DAD1: variants seen among roughly 807,000 people sequenced by gnomAD.
The protein encoded by DAD1 is dolichyl-diphosphooligosaccharide--protein glycosyltransferase subunit DAD1.
A neutral mutation model predicts 9.0 loss-of-function variants in DAD1; 4 were observed. That is an observed-to-expected ratio of 0.44 (90% CI 0.22 to 1.01). DAD1 has a LOEUF of 1.01. DAD1 is among the 50% of genes least tolerant of loss of function. The pLI, the probability that DAD1 is intolerant of heterozygous loss-of-function variation, is 0.24. For missense variants in DAD1, 119 were observed against 137.3 expected, an observed-to-expected ratio of 0.87 and a Z score of 0.67; for synonymous variants, 60 against 62.5, an observed-to-expected ratio of 0.96 and a Z score of 0.19.
At position 22,564,982 on chromosome 14, in the gene DAD1, A is replaced by G; in HGVS notation, c.*200T>C. ...TGAAAGGCAGAGGCTGGATTAATAA[A>G]TGTTTGTTAGAAAGTTGTTCTGACA... On this transcript the variant is annotated 3_prime_UTR_variant, in exon 3 of 3. Transcript: ENST00000250498. 1.6e-6 allele frequency: 1 copy of G among 616,600 alleles called. No individual in the cohort carries two copies. Among genetic ancestry groups the G allele is most frequent in the African/African-American group, 1.9e-5 (1 of 53,478 alleles). 38.2% of individuals were successfully genotyped at this position (616,600 alleles called of 1,614,324 possible). A position where few individuals can be genotyped will look rare whatever the true frequency, so the allele number is the denominator to read the frequency against.
intron 2 of DAD1, among the ~76,000 whole-genome samples, chr14:22,565,974 A>G (rs5742866): frequency 6.6e-6 from 1 of 152,196 alleles, no homozygotes; most frequent in African/African-American, 2.4e-5. Context: ...GGGAAATACT[A>G]CCTTTCAGAA....
chr14:22,580,147 G>A (rs1170758299), intron 1 of DAD1, among the ~76,000 whole-genome samples: 1 of 152,058 alleles, frequency 6.6e-6, no homozygotes, highest in African/African-American at 2.4e-5. Flanking sequence ...CCAGGGCATG[G>A]TGGCTCACAA....
At chr14:22,584,772 TC>T (rs2037141227) in intron 1 of DAD1, among the ~76,000 whole-genome samples, 1 of 151,986 alleles carries the variant, frequency 6.6e-6, no homozygotes, top group Non-Finnish European at 1.5e-5. Flanking sequence ...AGCCTGTATG[TC>T]AAAAAAAAAG....
At chr14:22,582,063 CG>C (rs2037120600) in intron 1 of DAD1, among the ~76,000 whole-genome samples, 1 of 151,728 alleles carries the variant, frequency 6.6e-6, no homozygotes, top group African/African-American at 2.4e-5. Flanking sequence ...AAAAATTAGC[CG>C]GGTGCAGTGG....
chr14:22,574,105 A>AG (rs1268896449), intron 2 of DAD1, among the ~76,000 whole-genome samples: 1 of 152,176 alleles, frequency 6.6e-6, no homozygotes, highest in African/African-American at 2.4e-5. Context: ...TGCAATGCAA[A>AG]GGCAAAGATT....
intron 1 of DAD1, among the ~76,000 whole-genome samples, chr14:22,586,219 C>CT (rs1489287838): frequency 1.4e-5 from 2 of 146,724 alleles, no homozygotes; most frequent in Non-Finnish European, 3.0e-5. Context: ...AAAAAAGCAT[C>CT]TTCAGAAGCT....
intron 1 of DAD1, among the ~76,000 whole-genome samples, chr14:22,580,261 A>C (rs1175505726): frequency 6.6e-6 from 1 of 151,782 alleles, no homozygotes; most frequent in African/African-American, 2.4e-5. Context: ...CTACAAAAAA[A>C]ATGTTTTAAT....
chr14:22,580,881 G>A (rs1286945104), intron 1 of DAD1, among the ~76,000 whole-genome samples: 1 of 151,938 alleles, frequency 6.6e-6, no homozygotes, highest in African/African-American at 2.4e-5. Flanking sequence ...CAACTTTCCA[G>A]AGCCTGTGTT....
At chr14:22,569,426 C>A (rs1416809496) in intron 2 of DAD1, among the ~76,000 whole-genome samples, 2 of 135,902 alleles carry the variant, frequency 1.5e-5, no homozygotes, top group African/African-American at 2.8e-5. Flanking sequence ...AAGCGAGACT[C>A]CGTCTCAAAA....
chr14:22,576,320 C>T (rs1016916418), intron 1 of DAD1, among the ~76,000 whole-genome samples: 10 of 152,134 alleles, frequency 6.6e-5, no homozygotes, highest in African/African-American at 2.4e-4. Flanking sequence ...TATACAAAAT[C>T]AAATGATTTT....
intron 2 of DAD1, among the ~76,000 whole-genome samples, chr14:22,569,192 T>C (rs1390960922): frequency 6.6e-6 from 1 of 152,194 alleles, no homozygotes; most frequent in Non-Finnish European, 1.5e-5. Context: ...TCCAGCACTT[T>C]GGGAGGCTAA....
chr14:22,573,792 AATG>A (rs1172774237), intron 2 of DAD1, among the ~76,000 whole-genome samples: 3 of 152,130 alleles, frequency 2.0e-5, no homozygotes, highest in Non-Finnish European at 2.9e-5. Context: ...CCACTACCAA[AATG>A]ATACCTTACC....
At chr14:22,581,089 A>G (rs1474567544) in intron 1 of DAD1, among the ~76,000 whole-genome samples, 1 of 152,256 alleles carries the variant, frequency 6.6e-6, no homozygotes, top group Non-Finnish European at 1.5e-5. Context: ...ATGTCCATTT[A>G]TTCCATAAAA....
chr14:22,577,162 A>T (rs2037082977), intron 1 of DAD1, among the ~76,000 whole-genome samples: 1 of 152,228 alleles, frequency 6.6e-6, no homozygotes, highest in African/African-American at 2.4e-5. Flanking sequence ...GGCCAGGCAC[A>T]GTGGTTCACA....
At chr14:22,580,490 G>A (rs2037108796) in intron 1 of DAD1, among the ~76,000 whole-genome samples, 1 of 151,812 alleles carries the variant, frequency 6.6e-6, no homozygotes, top group Non-Finnish European at 1.5e-5. Context: ...ATTTCAGTTA[G>A]AATCTAGAAA....
intron 1 of DAD1, among the ~76,000 whole-genome samples, chr14:22,586,527 G>C (rs1486036245): frequency 6.6e-6 from 1 of 152,062 alleles, no homozygotes; most frequent in African/African-American, 2.4e-5. Context: ...TGAGAAAAAA[G>C]AGCAAAACTC....
In DAD1 at chr14:22,589,158, A is replaced by C; in HGVS notation, c.-1T>G. 1 of 1,614,178 alleles carries C rather than the reference A, an allele frequency of 6.2e-7. No homozygotes were observed. Among genetic ancestry groups the C allele is most frequent in the Non-Finnish European group, 8.5e-7 (1 of 1,180,020 alleles). On this transcript the variant is annotated 5_prime_UTR_variant, in exon 1 of 3. Coordinates refer to ENST00000250498, the MANE Select transcript of DAD1 (RefSeq NM_001344.4). ...TGACAGACACTACCGACGCCGACATAACTGCACGCAAGGTACTCCGGTCCG... is the reference window on the plus strand; with the variant it reads ...TGACAGACACTACCGACGCCGACATCACTGCACGCAAGGTACTCCGGTCCG...
intron 1 of DAD1, among the ~76,000 whole-genome samples, chr14:22,583,578 G>A (rs2037132637): frequency 6.6e-6 from 1 of 152,138 alleles, no homozygotes. Context: ...GAAAGGAAAT[G>A]GGATGGTAGC....
chr14:22,588,415 G>T (rs1456591923), intron 1 of DAD1, among the ~76,000 whole-genome samples: 2 of 152,142 alleles, frequency 1.3e-5, no homozygotes, highest in Non-Finnish European at 2.9e-5. Context: ...ACAAAAATTG[G>T]GTTCAGGACA....
Sources: allele counts gnomAD v4.1 joint callset (sites outside exome capture counted in the v4.1 genomes callset), GRCh38; gene constraint gnomAD v4.1.1; transcripts MANE v1.5; gene names NCBI Gene and HGNC (gene_info 2026-07-23, HGNC 2026-07-21).